Variants in OR52N4 observed in about 807,000 individuals in gnomAD.
The protein encoded by OR52N4 is olfactory receptor family 52 subfamily N member 4.
A neutral mutation model predicts 15.0 loss-of-function variants in OR52N4; 15 were observed. The ratio of observed to expected loss-of-function variants is 1.00; its 90% CI spans 0.67 to 1.54. The LOEUF (loss-of-function observed/expected upper bound fraction) is 1.54. OR52N4 is among the 40% of genes most tolerant of loss of function. The probability of loss-of-function intolerance (pLI) is 0.00; values close to 1 mark genes in which losing one functional copy is unlikely to be tolerated. For missense variants in OR52N4, 421 were observed against 394.0 expected (o/e 1.07, Z -0.58); for synonymous variants, 143 against 143.7 (o/e 1.00, Z 0.03).
chr11:5,738,279 C>G, the OR52N4 span: 40,731 of 152,150 alleles, frequency 0.27, 5,841 homozygotes, highest in East Asian at 0.39. Context: ...TACTCCCAGC[C>G]TGCTTTGACA....
chr11:5,727,432 G>A, the OR52N4 span: 1 of 152,206 alleles, frequency 6.6e-6, no homozygotes, highest in Non-Finnish European at 1.5e-5. Flanking sequence ...GTTTCAAAGT[G>A]GGCAGGAAAT....
At chr11:5,738,141 G>A in the OR52N4 span, 1 of 152,280 alleles carries the variant, frequency 6.6e-6, no homozygotes, top group Admixed American at 6.5e-5. Flanking sequence ...TCTGTAAACT[G>A]GAGGGCTGAC....
upstream of OR52N4, among the ~76,000 whole-genome samples, chr11:5,751,933 G>C (rs1391639): frequency 0.03 from 4,598 of 152,154 alleles, 89 homozygotes; most frequent in South Asian, 0.07. Flanking sequence ...ATGTCCAAAG[G>C]ACATTTGAGA....
chr11:5,742,434 A>C, the OR52N4 span, among the ~76,000 whole-genome samples: 2 of 152,174 alleles, frequency 1.3e-5, no homozygotes, highest in African/African-American at 4.8e-5. Context: ...AGACTATCTA[A>C]AGCCAATATG....
upstream of OR52N4, among the ~76,000 whole-genome samples, chr11:5,751,280 T>C (rs2134211454): frequency 6.6e-6 from 1 of 152,166 alleles, no homozygotes; most frequent in South Asian, 2.1e-4. Context: ...TAAAAATTAG[T>C]TGGAATTATT....
chr11:5,755,220 C>G lies in OR52N4; in HGVS notation c.480C>G (p.Pro160=), dbSNP rs761123126. 1.9e-6 allele frequency: 3 copies of G among 1,613,890 alleles called. No homozygotes were observed. In the South Asian group the frequency reaches 3.3e-5, roughly 18 times the overall value. The change falls in exon 2 of 2, where the codon CCC becomes CCG. Residue 160 remains proline (P), a synonymous_variant. Transcript: ENST00000641350. ...TFLRGVLLII[P]FTFLTKLLPY... ...TGAGAGGGGTATTACTCATTATTCC[C>G]TTTACTTTCCTCACCAAGCTCCTGC...
In OR52N4 at chr11:5,755,736, G is replaced by T. The variant is rs754124471; in HGVS notation, c.*30G>T. On this transcript the variant is annotated 3_prime_UTR_variant, in exon 2 of 2. Transcript: ENST00000641350. ...ACACTTGCCAGGAGTGAGAAGAGAA[G>T]GAAAGAATTACTTCTATTTGCCTCT... The T allele has an allele frequency of 6.3e-7, 1 of 1,591,888 alleles. No homozygotes were observed. The highest frequency in any genetic ancestry group is 1.7e-4 in the Middle Eastern group (1 of 5,912).
upstream of OR52N4, among the ~76,000 whole-genome samples, chr11:5,749,802 G>A (rs935782979): frequency 1.3e-5 from 2 of 151,904 alleles, no homozygotes; most frequent in African/African-American, 4.8e-5. Context: ...CAGAGTTTAA[G>A]AATGAGGTTA....
the OR52N4 span, chr11:5,734,324 T>C: frequency 1.3e-5 from 5 of 392,286 alleles, no homozygotes; most frequent in Non-Finnish European, 2.5e-5. Context: ...TTTGTCAACA[T>C]TCTGCAAAAA....
At chr11:5,729,511 T>C in the OR52N4 span, among the ~76,000 whole-genome samples, 1 of 152,182 alleles carries the variant, frequency 6.6e-6, no homozygotes, top group Non-Finnish European at 1.5e-5. Flanking sequence ...AAATTGACCA[T>C]TTTTCTAGCA....
the OR52N4 span, among the ~76,000 whole-genome samples, chr11:5,730,365 G>A: frequency 2.0e-5 from 3 of 151,538 alleles, no homozygotes; most frequent in African/African-American, 7.3e-5. Flanking sequence ...CTAATTTTTT[G>A]TATTTTTTGT....
upstream of OR52N4, among the ~76,000 whole-genome samples, chr11:5,753,537 T>C (rs1011853723): frequency 1.3e-5 from 2 of 152,184 alleles, no homozygotes; most frequent in African/African-American, 4.8e-5. Flanking sequence ...CTAGTTTGCG[T>C]TGACTAGATA....
At chr11:5,750,118 A>G (rs949737996), upstream of OR52N4, among the ~76,000 whole-genome samples, 1 of 151,988 alleles carries the variant, frequency 6.6e-6, no homozygotes, top group African/African-American at 2.4e-5. Flanking sequence ...TAAAATATTT[A>G]TCTAGTATTT....
chr11:5,740,599 C>A, the OR52N4 span, among the ~76,000 whole-genome samples: 1 of 125,076 alleles, frequency 8.0e-6, no homozygotes. Flanking sequence ...CTCTTGAGCC[C>A]AGGATTGAGA....
chr11:5,731,128 A>G, the OR52N4 span, among the ~76,000 whole-genome samples: 5,968 of 152,258 alleles, frequency 0.039, 265 homozygotes, highest in Admixed American at 0.12. Context: ...AATGAAAACT[A>G]AAAACTTTCA....
chr11:5,749,572 C>G (rs113542482), upstream of OR52N4, among the ~76,000 whole-genome samples: 1,147 of 152,044 alleles, frequency 7.5e-3, 14 homozygotes, highest in African/African-American at 0.026. Context: ...TTACCCATTA[C>G]TCTTGCTTCT....
the OR52N4 span, among the ~76,000 whole-genome samples, chr11:5,733,479 T>C: frequency 1.3e-5 from 2 of 152,262 alleles, no homozygotes; most frequent in Admixed American, 1.3e-4. Flanking sequence ...CTCAAACAAT[T>C]GCCCTCAGAA....
chr11:5,734,150 C>T, the OR52N4 span: 6 of 456,092 alleles, frequency 1.3e-5, no homozygotes, highest in East Asian at 1.4e-4. Context: ...GTTAAAGCAT[C>T]TTTCTCATAA....
At chr11:5,754,661 A>G in intron 1 of OR52N4, 32 bp from the exon 2 acceptor site, 3 of 1,415,092 alleles carry the variant, frequency 2.1e-6, no homozygotes, top group Non-Finnish European at 2.9e-6. Flanking sequence ...AAAATAACCT[A>G]TATTTTCTCT....
Sources: gnomAD v4.1 joint callset for allele counts (sites outside exome capture counted in the v4.1 genomes callset) on GRCh38, gnomAD v4.1.1 for gene constraint, MANE v1.5 for transcripts, NCBI Gene and HGNC (gene_info 2026-07-23, HGNC 2026-07-21) for gene names.